MVP: variants seen among roughly 807,000 people sequenced by gnomAD.
MVP encodes the protein major vault protein.
In MVP, 62 loss-of-function variants were observed where a neutral mutation model predicts 83.5. The ratio of observed to expected loss-of-function variants is 0.74; its 90% CI spans 0.61 to 0.92. MVP has a LOEUF of 0.92. Among genes scored for constraint, MVP ranks in the 40% least tolerant of loss-of-function variants. MVP has a pLI of 0.00. For synonymous variants in MVP, 505 were observed against 504.1 expected (o/e 1.00, Z -0.02); for missense variants, 1,000 against 1,203.4 (o/e 0.83, Z 2.50).
chr16:29,833,946 C>T lies in MVP; in HGVS notation c.457C>T (p.Pro153Ser). ...WLFEGPGTYI[P>S]RKEVEVVEII... ...CCTTCCCTCCCCAGGCACGTACATC[C>T]CCCGGAAGGAAGTGGAGGTCGTGGA... Residue 153 changes from proline (P) to serine (S), a missense_variant, in exon 5 of 15, where the codon CCC becomes TCC. By Grantham distance (74) the Pro-to-Ser change is moderately conservative. Transcript: ENST00000357402. 6.2e-7 allele frequency: 1 copy of T among 1,614,074 alleles called. No homozygotes were observed. Among genetic ancestry groups the T allele is most frequent in the East Asian group, 2.2e-5 (1 of 44,876 alleles).
intron 1 of MVP, among the ~76,000 whole-genome samples, chr16:29,823,798 T>C (rs979856251): frequency 4.1e-5 from 6 of 147,164 alleles, no homozygotes; most frequent in Non-Finnish European, 1.5e-5. Context: ...TCCGAGATCG[T>C]GCCACTGCAC....
intron 1 of MVP, among the ~76,000 whole-genome samples, chr16:29,823,174 G>A (rs577596058): frequency 3.0e-5 from 4 of 132,330 alleles, no homozygotes; most frequent in South Asian, 2.4e-4. Flanking sequence ...AGGCTAGAGC[G>A]CACTCGTGTG....
intron 1 of MVP, among the ~76,000 whole-genome samples, chr16:29,825,598 G>T (rs991454923): frequency 6.6e-6 from 1 of 152,150 alleles, no homozygotes. Flanking sequence ...GGTGAGGTGG[G>T]GTCCTGGTGC....
rs1202258703 is a variant in MVP, at chr16:29,847,821, C to T, written c.2514C>T (p.Pro838=). The change falls in exon 15 of 15, where the codon CCC becomes CCT. Residue 838 remains proline, a synonymous_variant. Transcript: ENST00000357402. ...CCCTCATCACCGATGGCTCCACTCC[C>T]ATCAACCTCTTCAACACAGCCTTTG... ...KSTLITDGST[P]INLFNTAFGL... The T allele has an allele frequency of 6.2e-7, 1 of 1,614,254 alleles. No homozygotes were observed. Among genetic ancestry groups the T allele is most frequent in the Non-Finnish European group, 8.5e-7 (1 of 1,180,048 alleles).
chr16:29,842,429 C>A (rs2150759208), intron 10 of MVP, among the ~76,000 whole-genome samples: 1 of 152,174 alleles, frequency 6.6e-6, no homozygotes, highest in East Asian at 1.9e-4. Context: ...CCTCAACCTC[C>A]CAAGTGGCTA....
Position 29,847,332 on chromosome 16 carries a change from G to T in MVP, c.2401G>T (p.Ala801Ser). ...EVKKFKQMTE[A>S]IGPSTIRDLA... ...GAAGAAGTTCAAGCAGATGACAGAGGCCATAGGCCCCAGCACCATCAGGGA... is the reference window on the plus strand; with the variant it reads ...GAAGAAGTTCAAGCAGATGACAGAGTCCATAGGCCCCAGCACCATCAGGGA... Residue 801 changes from alanine to serine, a missense_variant, in exon 14 of 15, where the codon GCC becomes TCC. By Grantham distance (99) the Ala-to-Ser change is moderately conservative. Transcript: ENST00000357402. The T allele has an allele frequency of 6.2e-7, 1 of 1,606,134 alleles. No homozygotes were observed. Among genetic ancestry groups the T allele is most frequent in the Non-Finnish European group, 8.5e-7 (1 of 1,177,000 alleles).
At chr16:29,844,432 CT>C in intron 10 of MVP, 60 bp from the exon 11 acceptor site, 1 of 1,513,520 alleles carries the variant, frequency 6.6e-7, no homozygotes, top group Non-Finnish European at 8.8e-7. Flanking sequence ...GACCTTGTCT[CT>C]TCTAAAGAGA....
intron 5 of MVP, 147 bp downstream of exon 5, chr16:29,834,213 C>T (rs1001410117): frequency 1.8e-6 from 2 of 1,097,702 alleles, no homozygotes; most frequent in Middle Eastern, 3.1e-4. Context: ...CCACCCACTG[C>T]TCTTCCTTCC....
chr16:29,836,254 C>T (rs1186870885), intron 6 of MVP, among the ~76,000 whole-genome samples: 5 of 134,724 alleles, frequency 3.7e-5, no homozygotes, highest in African/African-American at 1.1e-4. Context: ...GGCAACAGAG[C>T]GAAACCCTGT....
chr16:29,847,172 G>A (rs918604673), intron 13 of MVP, 25 bp from the exon 14 acceptor site: 6 of 1,608,494 alleles, frequency 3.7e-6, no homozygotes, highest in Non-Finnish European at 5.1e-6. Context: ...AAAAAATAAA[G>A]AATGATTGAT....
chr16:29,843,590 AAGGGAGGG>A (rs376205793), intron 10 of MVP, among the ~76,000 whole-genome samples: 5 of 20,312 alleles, frequency 2.5e-4, no homozygotes, highest in East Asian at 1.5e-3. Flanking sequence ...GGAAGGGAGG[AAGGGAGGG>A]AGGGAGGGTC....
rs759899108 is a variant in MVP, at chr16:29,844,707, A to G, written c.1849A>G (p.Met617Val). The change falls in exon 11 of 15, where the codon ATG becomes GTG. Residue 617 changes from methionine to valine, a missense_variant. Coordinates refer to ENST00000357402, the MANE Select transcript of MVP (RefSeq NM_005115.5). ...ETSEAKGPDG[M>V]ALPRPRDQAV... ...CTCGGAAGCGAAGGGCCCCGATGGC[A>G]TGGCCCTGCCCAGGCCCCGGGACCA... The G allele has an allele frequency of 4.3e-6, 7 of 1,613,804 alleles. No homozygotes were observed. The highest frequency in any genetic ancestry group is 5.9e-6 in the Non-Finnish European group (7 of 1,180,010).
intron 7 of MVP, among the ~76,000 whole-genome samples, chr16:29,839,470 A>G (rs1355849693): frequency 6.6e-6 from 1 of 152,108 alleles, no homozygotes; most frequent in Admixed American, 6.6e-5. Context: ...TATGTGGATT[A>G]TATCTCAAAA....
intron 1 of MVP, among the ~76,000 whole-genome samples, chr16:29,823,686 T>C (rs921005622): frequency 1.3e-5 from 2 of 151,844 alleles, no homozygotes; most frequent in African/African-American, 4.8e-5. Context: ...ACCCCATCTC[T>C]ACTAAAAATA....
intron 3 of MVP, among the ~76,000 whole-genome samples, chr16:29,832,418 C>G (rs1384214299): frequency 6.6e-6 from 1 of 150,550 alleles, no homozygotes; most frequent in Non-Finnish European, 1.5e-5. Flanking sequence ...CTGCCTCAGC[C>G]TCCCGAGTAG....
rs776296718 is a variant in MVP at position 29,841,966 on chromosome 16, A to G, written c.1488A>G (p.Thr496=). ...LVSLGPEEQF[T]VLSLSAGRPK... ...CGCTGGGTCCTGAGGAGCAGTTCAC[A>G]GTGTTGTCCCTCTCAGCTGGGCGGC... Residue 496 remains threonine, a synonymous_variant, in exon 10 of 15, where the codon ACA becomes ACG. Transcript: ENST00000357402. This position sits in a 1 kb window ranked among gnomAD's most constrained non-coding sequence, Gnocchi z 4.7. 1 of 1,612,862 alleles carries G rather than the reference A, an allele frequency of 6.2e-7. No homozygotes were observed. The highest frequency in any genetic ancestry group is 2.2e-5 in the East Asian group (1 of 44,868).
intron 3 of MVP, chr16:29,833,228 C>T (rs992892564): frequency 1.3e-5 from 2 of 158,736 alleles, no homozygotes; most frequent in African/African-American, 2.4e-5. Flanking sequence ...GACCCCATCT[C>T]CAAAAATAAA....
In MVP at chr16:29,844,564, G is replaced by A. The variant is rs756331447; in HGVS notation, c.1706G>A (p.Gly569Asp). The part of the protein sequence containing the change: ...AKLFSVPDFV[G>D]DACKAIASRV... ...CTCTTTTCAGTGCCAGACTTTGTAG[G>A]TGATGCCTGCAAAGCCATCGCATCC... The change falls in exon 11 of 15, where the codon GGT (glycine) becomes GAT (aspartate). Residue 569 changes from glycine (G) to aspartate (D), a missense_variant. By Grantham distance (94) the Gly-to-Asp change is moderately conservative. Transcript: ENST00000357402. 2.5e-6 allele frequency: 4 copies of A among 1,606,014 alleles called. No homozygotes were observed. The highest frequency in any genetic ancestry group is 1.7e-5 in the Admixed American group (1 of 59,206).
intron 10 of MVP, among the ~76,000 whole-genome samples, chr16:29,843,617 T>C (rs1212496818): frequency 9.1e-6 from 1 of 109,882 alleles, no homozygotes; most frequent in Non-Finnish European, 1.8e-5. Flanking sequence ...TCAGGCGTGG[T>C]GGCTCATGCC....
Sources: allele counts gnomAD v4.1 joint callset (sites outside exome capture counted in the v4.1 genomes callset), GRCh38; gene constraint gnomAD v4.1.1; non-coding constraint Gnocchi (gnomAD v3.1); transcripts MANE v1.5; gene names NCBI Gene and HGNC (gene_info 2026-07-23, HGNC 2026-07-21).